The following PAX2 variants were observed in gnomAD, a reference collection of about 807,000 sequenced individuals.
PAX2 encodes the protein paired box 2, also known as paired box protein Pax-2.
PAX2 carries 9 observed loss-of-function variants against 41.7 expected under a neutral mutation model. The ratio of observed to expected loss-of-function variants is 0.22; its 90% CI spans 0.13 to 0.38. PAX2 has a LOEUF of 0.38. Among genes scored for constraint, PAX2 ranks in the 10% least tolerant of loss-of-function variants. The pLI is 1.00. For missense variants in PAX2, 418 were observed against 531.6 expected, an observed-to-expected ratio of 0.79 and a Z score of 2.10; for synonymous variants, 221 against 212.7, an observed-to-expected ratio of 1.04 and a Z score of -0.34.
intron 5 of PAX2, among the ~76,000 whole-genome samples, chr10:100,804,133 C>T (rs751497923): frequency 5.3e-5 from 8 of 152,188 alleles, no homozygotes; most frequent in South Asian, 2.1e-4. Context: ...CACCTCTCTG[C>T]GGGCCGGGGA....
chr10:100,816,028 T>C (rs1848174996), intron 7 of PAX2, among the ~76,000 whole-genome samples: 1 of 152,214 alleles, frequency 6.6e-6, no homozygotes, highest in African/African-American at 2.4e-5. Context: ...ACCTTGGGCC[T>C]TTCTTCTTAC....
intron 3 of PAX2, among the ~76,000 whole-genome samples, chr10:100,770,349 C>A (rs191592571): frequency 1.3e-5 from 2 of 152,300 alleles, no homozygotes; most frequent in East Asian, 3.9e-4. Flanking sequence ...TGGGGGTGGA[C>A]AGCTGGTAGA....
At chr10:100,808,651 G>A (rs1847882606) in intron 6 of PAX2, among the ~76,000 whole-genome samples, 1 of 152,006 alleles carries the variant, frequency 6.6e-6, no homozygotes, top group Non-Finnish European at 1.5e-5. Flanking sequence ...GTCATTGTTT[G>A]TTTTTAAAAA....
rs556422117 is a variant in PAX2, at chr10:100,748,902, G to A, written c.44-844G>A. On this transcript the variant is annotated intron_variant, in intron 1 of 9. Coordinates refer to ENST00000355243, the MANE Select transcript of PAX2 (RefSeq NM_000278.5). This position sits in a 1 kb window ranked among gnomAD's most constrained non-coding sequence, Gnocchi z 5.0. ...GAGGCCTATGCCGTGCCACCTGGGC[G>A]AGACGGTGGGCCCCAACCAGGCTCT... The A allele has an allele frequency of 2.4e-4, 235 of 985,390 alleles. No individual in the cohort carries two copies. The highest frequency in any genetic ancestry group is 5.2e-4 in the Middle Eastern group (1 of 1,914). The allele number at this position is 985,390 out of a possible 1,614,324, so 61.0% of individuals were successfully genotyped here.
In PAX2 at chr10:100,827,419, G is replaced by A. The variant is rs1237060249; in HGVS notation, c.1109-124G>A. 1.0e-6 allele frequency: 1 copy of A among 985,184 alleles called. No homozygotes were observed. The highest frequency in any genetic ancestry group is 1.6e-5 in the African/African-American group (1 of 61,774). The allele number at this position is 985,184 out of a possible 1,614,324, so 61.0% of individuals were successfully genotyped here. A position where few individuals can be genotyped will look rare whatever the true frequency, so the allele number is the denominator to read the frequency against. The stretch of plus-strand genomic sequence containing the variant: ...GCAACTGGCTCCACTGCCCAGCCAA[G>A]GTCTCCCAGTCCGGATCCCGCTGGA... On this transcript the variant is annotated intron_variant, in intron 9 of 9. Transcript: ENST00000355243. The surrounding 1 kb of genome is among the most constrained non-coding windows in gnomAD (Gnocchi z 8.5).
intron 3 of PAX2, among the ~76,000 whole-genome samples, chr10:100,777,965 C>T (rs1014424624): frequency 9.9e-5 from 15 of 152,200 alleles, no homozygotes; most frequent in Non-Finnish European, 1.5e-4. Context: ...GGGCATTAAC[C>T]CAGAAGGCAG....
chr10:100,749,894 T>C lies in PAX2; in HGVS notation c.192T>C (p.Cys64=). 6.2e-7 allele frequency: 1 copy of C among 1,612,454 alleles called. No individual in the cohort carries two copies. Among genetic ancestry groups the C allele is most frequent in the Non-Finnish European group, 8.5e-7 (1 of 1,179,866 alleles). ...ISRQLRVSHG[C]VSKILGRYYE... is the part of the protein sequence containing the mutation. ...GGCAGCTGCGGGTCAGCCACGGCTG[T>C]GTCAGCAAAATCCTGGGCAGGTGAG... Residue 64 remains cysteine (C), a synonymous_variant, in exon 2 of 10, where the codon TGT becomes TGC. Coordinates refer to ENST00000355243, the MANE Select transcript of PAX2 (RefSeq NM_000278.5).
intron 3 of PAX2, among the ~76,000 whole-genome samples, chr10:100,754,963 G>A (rs1341253077): frequency 6.6e-6 from 1 of 152,164 alleles, no homozygotes; most frequent in African/African-American, 2.4e-5. Flanking sequence ...ACAGAGGAAT[G>A]GCAGAAACAA....
At chr10:100,736,830 A>G (rs1369307437) in intron 1 of PAX2, among the ~76,000 whole-genome samples, 2 of 152,204 alleles carry the variant, frequency 1.3e-5, no homozygotes, top group African/African-American at 2.4e-5. Flanking sequence ...TCAATAGCAA[A>G]CAGTTGTAAT....
At chr10:100,801,039 G>A (rs763266249) in intron 5 of PAX2, among the ~76,000 whole-genome samples, 1 of 152,154 alleles carries the variant, frequency 6.6e-6, no homozygotes, top group Non-Finnish European at 1.5e-5. Context: ...AGTTCTCTTC[G>A]TTTGCCTGGA....
At chr10:100,736,942 C>T (rs1260301505) in intron 1 of PAX2, among the ~76,000 whole-genome samples, 1 of 152,212 alleles carries the variant, frequency 6.6e-6, no homozygotes, top group Non-Finnish European at 1.5e-5. Context: ...ACCCCCTCGA[C>T]CGTATAAATA....
chr10:100,756,882 C>A (rs1384045871), intron 3 of PAX2, among the ~76,000 whole-genome samples: 1 of 152,156 alleles, frequency 6.6e-6, no homozygotes, highest in East Asian at 1.9e-4. Context: ...AGTGCAGCTC[C>A]CCAGCCATGC....
chr10:100,749,264 A>G, intron 1 of PAX2: 1 of 993,708 alleles, frequency 1.0e-6, no homozygotes, highest in Non-Finnish European at 1.2e-6. Context: ...TCGGATAAAC[A>G]GTCAGCCGAG....
intron 7 of PAX2, among the ~76,000 whole-genome samples, chr10:100,823,295 T>C (rs1241308805): frequency 6.6e-6 from 1 of 152,096 alleles, no homozygotes; most frequent in Non-Finnish European, 1.5e-5. Flanking sequence ...CCAAGGAAAA[T>C]GTTCAGCAGG....
upstream of PAX2, among the ~76,000 whole-genome samples, chr10:100,744,059 C>T (rs1845056285): frequency 6.6e-6 from 1 of 152,236 alleles, no homozygotes; most frequent in African/African-American, 2.4e-5. Flanking sequence ...CTGAGCTCCT[C>T]CTGAGGAATA....
At position 100,806,767 on chromosome 10, in the gene PAX2, T is replaced by A. The variant is rs56283258; in HGVS notation, c.792+162T>A. Among the ~76,000 whole-genome samples, 3,634 of 152,254 alleles carry A rather than the reference T, an allele frequency of 0.024. 94 individuals carry two copies. The highest frequency in any genetic ancestry group is 0.064 in the African/African-American group (2,652 of 41,528). ...GTGAACAGGCTCACATGAGACAGTA[T>A]GGTATCGTTAAGACAAATCATTATG... On this transcript the variant is annotated intron_variant, in intron 6 of 9. Transcript: ENST00000355243.
intron 3 of PAX2, among the ~76,000 whole-genome samples, chr10:100,777,659 T>C (rs1433750867): frequency 6.6e-6 from 1 of 152,226 alleles, no homozygotes; most frequent in Non-Finnish European, 1.5e-5. Context: ...CCTCCCAAAG[T>C]GCTGGGATTA....
intron 5 of PAX2, among the ~76,000 whole-genome samples, chr10:100,789,314 C>T (rs1200513692): frequency 6.6e-6 from 1 of 152,176 alleles, no homozygotes; most frequent in Non-Finnish European, 1.5e-5. Flanking sequence ...CCATGTTGGC[C>T]AGGCTGGTCT....
chr10:100,815,797 C>A, intron 7 of PAX2, among the ~76,000 whole-genome samples: 1 of 152,340 alleles, frequency 6.6e-6, no homozygotes, highest in East Asian at 1.9e-4. Context: ...CCACCTCAAT[C>A]TCAGGTCCCA....
Sources: allele counts gnomAD v4.1 joint callset (sites outside exome capture counted in the v4.1 genomes callset), GRCh38; gene constraint gnomAD v4.1.1; non-coding constraint Gnocchi (gnomAD v3.1); transcripts MANE v1.5; gene names NCBI Gene and HGNC (gene_info 2026-07-23, HGNC 2026-07-21).